The following SPMIP3 variants were observed in gnomAD, a reference collection of about 807,000 sequenced individuals.
SPMIP3 encodes the protein sperm microtubule inner protein 3.
chr1:244,364,806 G>A, the SPMIP3 span: 71 of 1,586,266 alleles, frequency 4.5e-5, no homozygotes, highest in Non-Finnish European at 5.8e-5. Flanking sequence ...CAGGCAGCCA[G>A]GTGCCTGGGG....
At chr1:244,379,540 A>G in the SPMIP3 span, among the ~76,000 whole-genome samples, 8 of 152,312 alleles carry the variant, frequency 5.3e-5, no homozygotes, top group Admixed American at 5.2e-4. Context: ...TCACATGACA[A>G]AATCATTATT....
At chr1:244,378,511 A>T in the SPMIP3 span, 1 of 1,613,764 alleles carries the variant, frequency 6.2e-7, no homozygotes, top group Non-Finnish European at 8.5e-7. Flanking sequence ...AAATATCACT[A>T]TCAGCCTCAA....
At chr1:244,384,750 T>C in the SPMIP3 span, among the ~76,000 whole-genome samples, 1 of 152,270 alleles carries the variant, frequency 6.6e-6, no homozygotes, top group African/African-American at 2.4e-5. Flanking sequence ...GATGCTTAGG[T>C]GGCAATGATT....
chr1:244,364,810 C>A, the SPMIP3 span: 1 of 1,575,438 alleles, frequency 6.3e-7, no homozygotes, highest in African/African-American at 1.3e-5. Context: ...CAGCCAGGTG[C>A]CTGGGGAGTT....
At chr1:244,353,910 G>A in the SPMIP3 span, among the ~76,000 whole-genome samples, 1 of 152,098 alleles carries the variant, frequency 6.6e-6, no homozygotes, top group Non-Finnish European at 1.5e-5. Context: ...CAGTCACCAT[G>A]CTCCTAGCCA....
At chr1:244,378,470 G>T in the SPMIP3 span, 1 of 1,609,954 alleles carries the variant, frequency 6.2e-7, no homozygotes, top group Non-Finnish European at 8.5e-7. Flanking sequence ...CATTTAGACC[G>T]CTCATAGACT....
At chr1:244,364,720 G>A in the SPMIP3 span, 34 of 1,613,810 alleles carry the variant, frequency 2.1e-5, no homozygotes, top group Middle Eastern at 3.3e-4. Flanking sequence ...ATCCGACTAC[G>A]AGAATTTATT....
At chr1:244,358,582 CA>C in the SPMIP3 span, among the ~76,000 whole-genome samples, 102,064 of 142,664 alleles carry the variant, frequency 0.72, 35,822 homozygotes, top group South Asian at 0.8. Context: ...GAGAGTGTCT[CA>C]AAAAAAAAAA....
At chr1:244,368,692 G>A in the SPMIP3 span, among the ~76,000 whole-genome samples, 1 of 152,250 alleles carries the variant, frequency 6.6e-6, no homozygotes, top group Non-Finnish European at 1.5e-5. Flanking sequence ...TACCCCTGGT[G>A]ACTGATGGCA....
chr1:244,388,793 C>T, the SPMIP3 span, among the ~76,000 whole-genome samples: 6 of 152,006 alleles, frequency 3.9e-5, no homozygotes, highest in Non-Finnish European at 1.5e-5. Context: ...AAGAAACAAC[C>T]TTTTGACTGA....
At chr1:244,352,804 T>C in the SPMIP3 span, 2 of 152,206 alleles carry the variant, frequency 1.3e-5, no homozygotes, top group East Asian at 3.9e-4. Context: ...TACTAAATGG[T>C]TGACTGCATT....
the SPMIP3 span, among the ~76,000 whole-genome samples, chr1:244,372,633 C>T: frequency 1.7e-4 from 26 of 152,156 alleles, no homozygotes; most frequent in South Asian, 4.1e-4. Flanking sequence ...TTAGTAGAGA[C>T]TGGGTTTCAC....
At chr1:244,359,196 C>G in the SPMIP3 span, among the ~76,000 whole-genome samples, 1 of 149,836 alleles carries the variant, frequency 6.7e-6, no homozygotes, top group African/African-American at 2.4e-5. Context: ...AGGAAATTCT[C>G]TAAAGATCGG....
the SPMIP3 span, chr1:244,375,499 A>C: frequency 6.4e-7 from 1 of 1,559,636 alleles, no homozygotes; most frequent in East Asian, 2.2e-5. Context: ...AATGTCCAAG[A>C]ATGTCACGAA....
At chr1:244,364,278 T>C in the SPMIP3 span, among the ~76,000 whole-genome samples, 1 of 151,936 alleles carries the variant, frequency 6.6e-6, no homozygotes, top group East Asian at 1.9e-4. Context: ...CTACTTTTTT[T>C]GTATTTTTAG....
chr1:244,373,934 T>G, the SPMIP3 span, among the ~76,000 whole-genome samples: 1 of 151,858 alleles, frequency 6.6e-6, no homozygotes, highest in Non-Finnish European at 1.5e-5. Context: ...GCCACCATGG[T>G]GAAACCCATC....
chr1:244,386,011 C>CAT, the SPMIP3 span, among the ~76,000 whole-genome samples: 1 of 132,596 alleles, frequency 7.5e-6, no homozygotes, highest in Non-Finnish European at 1.5e-5. Context: ...AAAACACACA[C>CAT]ACACACACAC....
At chr1:244,358,123 G>A in the SPMIP3 span, among the ~76,000 whole-genome samples, 110 of 151,832 alleles carry the variant, frequency 7.2e-4, no homozygotes, top group African/African-American at 2.6e-3. Flanking sequence ...CCAGCTGCTC[G>A]GGAGGCTAAG....
the SPMIP3 span, chr1:244,388,855 T>A: frequency 1.1e-6 from 1 of 933,214 alleles, no homozygotes; most frequent in African/African-American, 1.7e-5. Context: ...CCCCAAAAGT[T>A]ATTTTGTTAC....
Sources: gnomAD v4.1 joint callset for allele counts (sites outside exome capture counted in the v4.1 genomes callset) on GRCh38, gnomAD v4.1.1 for gene constraint, MANE v1.5 for transcripts, NCBI Gene and HGNC (gene_info 2026-07-23, HGNC 2026-07-21) for gene names.